SMG6: variants seen among roughly 807,000 people sequenced by gnomAD.
SMG6 encodes telomerase-binding protein EST1A.
In SMG6, 66 loss-of-function variants were observed where a neutral mutation model predicts 142.2. That is an observed-to-expected ratio of 0.46 (90% CI 0.38 to 0.57). The LOEUF is 0.57. Ranked by LOEUF, SMG6 falls within the 20% of genes least tolerant of loss-of-function variation. SMG6 has a pLI of 0.00. For synonymous variants in SMG6, 779 were observed against 702.4 expected, an observed-to-expected ratio of 1.11 and a Z score of -1.72; for missense variants, 1,793 against 1,832.0, an observed-to-expected ratio of 0.98 and a Z score of 0.39.
Position 2,186,648 on chromosome 17 carries a change from G to T in SMG6, c.3155+15C>A. 1 of 1,613,904 alleles carries T rather than the reference G, an allele frequency of 6.2e-7. No individual in the cohort carries two copies. On this transcript the variant is annotated intron_variant, in intron 12 of 18. Coordinates refer to ENST00000263073, the MANE Select transcript of SMG6 (RefSeq NM_017575.5). ...CCAAGCCAGTGGTGCTGAAGCAATGGGCAGGTCAACTCACTGCGAGGGCAG... is the reference window on the plus strand; with the variant it reads ...CCAAGCCAGTGGTGCTGAAGCAATGTGCAGGTCAACTCACTGCGAGGGCAG...
At chr17:2,156,118 C>T (rs1304028954) in intron 13 of SMG6, among the ~76,000 whole-genome samples, 3 of 149,588 alleles carry the variant, frequency 2.0e-5, no homozygotes, top group Non-Finnish European at 4.4e-5. Flanking sequence ...GGCCGGGTGC[C>T]GTGGTTCACG....
chr17:2,219,445 G>A (rs2073110641), intron 10 of SMG6, among the ~76,000 whole-genome samples: 2 of 151,938 alleles, frequency 1.3e-5, no homozygotes, highest in East Asian at 1.9e-4. Context: ...GGTGGTTGCT[G>A]GACATTCTCA....
intron 10 of SMG6, among the ~76,000 whole-genome samples, chr17:2,222,256 GAAGATA>G (rs1483601912): frequency 6.6e-6 from 1 of 151,902 alleles, no homozygotes; most frequent in Non-Finnish European, 1.5e-5. Flanking sequence ...AATAGAATTG[GAAGATA>G]AAGAGTGCAG....
chr17:2,292,329 T>G (rs531104236), intron 6 of SMG6, among the ~76,000 whole-genome samples: 1 of 152,288 alleles, frequency 6.6e-6, no homozygotes, highest in East Asian at 1.9e-4. Context: ...CCTCAGGAAT[T>G]TGAGTGCAGT....
intron 13 of SMG6, among the ~76,000 whole-genome samples, chr17:2,103,818 G>A (rs567835594): frequency 6.6e-6 from 1 of 152,286 alleles, no homozygotes; most frequent in East Asian, 1.9e-4. Flanking sequence ...CGGATCTAAA[G>A]TCAGGAAAGA....
intron 13 of SMG6, among the ~76,000 whole-genome samples, chr17:2,151,192 C>A (rs1407419771): frequency 6.6e-6 from 1 of 152,226 alleles, no homozygotes; most frequent in Admixed American, 6.5e-5. Flanking sequence ...AGCCATAGCA[C>A]CACTAGCAGG....
At chr17:2,266,051 A>G in intron 8 of SMG6, 1 of 985,398 alleles carries the variant, frequency 1.0e-6, no homozygotes, top group Non-Finnish European at 1.2e-6. Context: ...CAGGAAGAGC[A>G]CAGAAATGCC....
intron 13 of SMG6, among the ~76,000 whole-genome samples, chr17:2,093,467 C>T (rs1191676228): frequency 6.6e-6 from 1 of 152,024 alleles, no homozygotes. Flanking sequence ...AAATACTTAG[C>T]GAGATGCCTG....
chr17:2,095,413 A>G (rs2068829821), intron 13 of SMG6, among the ~76,000 whole-genome samples: 1 of 152,164 alleles, frequency 6.6e-6, no homozygotes, highest in Non-Finnish European at 1.5e-5. Flanking sequence ...TACGCGTGGC[A>G]CAAGAGTGGA....
intron 10 of SMG6, among the ~76,000 whole-genome samples, chr17:2,194,791 A>G (rs990945823): frequency 1.3e-5 from 2 of 151,946 alleles, no homozygotes; most frequent in Non-Finnish European, 2.9e-5. Flanking sequence ...AGACTGCTGG[A>G]GCAGGTCAAA....
chr17:2,283,636 T>C lies in SMG6; in HGVS notation c.2437A>G (p.Thr813Ala). 6.2e-7 allele frequency: 1 copy of C among 1,613,962 alleles called. No homozygotes were observed. ...KESLMSLFEE[T>A]KRKAEQMEKK... is the part of the protein sequence containing the mutation. ...ACATCCCCACTCACCTTCCGCTTGG[T>C]CTCTTCAAACAAGCTCATGAGACTC... Residue 813 changes from threonine to alanine, a missense_variant, in exon 7 of 19, where the codon ACC becomes GCC. Transcript: ENST00000263073.
chr17:2,216,909 CA>C (rs140476451), intron 10 of SMG6, among the ~76,000 whole-genome samples: 4 of 149,698 alleles, frequency 2.7e-5, no homozygotes, highest in African/African-American at 9.8e-5. Context: ...GTCAAAATGT[CA>C]AAAAAAAACA....
At chr17:2,108,852 T>C (rs1047072974) in intron 13 of SMG6, among the ~76,000 whole-genome samples, 13 of 151,028 alleles carry the variant, frequency 8.6e-5, no homozygotes, top group Admixed American at 8.6e-4. Context: ...GCTGAGGTGG[T>C]AGAATCACTT....
intron 8 of SMG6, among the ~76,000 whole-genome samples, chr17:2,252,926 A>G (rs1177320961): frequency 3.3e-5 from 5 of 152,040 alleles, no homozygotes; most frequent in Non-Finnish European, 7.4e-5. Context: ...ATGGCTGAAA[A>G]AAAAAATAAG....
intron 10 of SMG6, among the ~76,000 whole-genome samples, chr17:2,229,111 A>C (rs1263083041): frequency 6.6e-6 from 1 of 152,168 alleles, no homozygotes; most frequent in Non-Finnish European, 1.5e-5. Context: ...TATGTATCCT[A>C]AGCCAAGAGA....
intron 10 of SMG6, among the ~76,000 whole-genome samples, chr17:2,194,697 G>T (rs73979424): frequency 2.3e-5 from 2 of 87,802 alleles, no homozygotes; most frequent in South Asian, 7.2e-4. Flanking sequence ...CAAAAGAAAA[G>T]AAAACAAAAC....
At chr17:2,165,570 T>A (rs2071311464) in intron 13 of SMG6, among the ~76,000 whole-genome samples, 1 of 152,224 alleles carries the variant, frequency 6.6e-6, no homozygotes, top group Non-Finnish European at 1.5e-5. Flanking sequence ...TAGAGTCTTT[T>A]GTATTTCAGA....
chr17:2,139,617 C>T (rs2070412100), intron 13 of SMG6, among the ~76,000 whole-genome samples: 1 of 151,632 alleles, frequency 6.6e-6, no homozygotes, highest in African/African-American at 2.4e-5. Context: ...GACGGGGTTT[C>T]GCCATGTTGG....
At chr17:2,286,584 C>T (rs1597788024) in intron 6 of SMG6, among the ~76,000 whole-genome samples, 2 of 152,140 alleles carry the variant, frequency 1.3e-5, no homozygotes, top group African/African-American at 4.8e-5. Context: ...TTACCTCATA[C>T]TATATATAAA....
Sources: gnomAD v4.1 joint callset for allele counts (sites outside exome capture counted in the v4.1 genomes callset) on GRCh38, gnomAD v4.1.1 for gene constraint, MANE v1.5 for transcripts, NCBI Gene and HGNC (gene_info 2026-07-23, HGNC 2026-07-21) for gene names.